ATG7: variants seen among roughly 807,000 people sequenced by gnomAD.
ATG7 encodes ubiquitin-like modifier-activating enzyme ATG7.
Under a neutral mutation model 82.4 loss-of-function variants are expected in ATG7, and 70 were observed. The ratio of observed to expected loss-of-function variants is 0.85; its 90% CI spans 0.70 to 1.04. ATG7 has a LOEUF of 1.04. Ranked by LOEUF, ATG7 falls within the 50% of genes least tolerant of loss-of-function variation. The pLI is 0.00. For missense variants in ATG7, 792 were observed against 864.3 expected, an observed-to-expected ratio of 0.92 and a Z score of 1.05; for synonymous variants, 287 against 313.0, an observed-to-expected ratio of 0.92 and a Z score of 0.88.
chr3:11,385,565 A>T (rs2152858837), intron 19 of ATG7, among the ~76,000 whole-genome samples: 1 of 152,298 alleles, frequency 6.6e-6, no homozygotes, highest in Non-Finnish European at 1.5e-5. Flanking sequence ...GGTGAGACAG[A>T]CTCATAAGCC....
At chr3:11,562,003 G>T (rs528158174), downstream of ATG7, among the ~76,000 whole-genome samples, 6 of 150,174 alleles carry the variant, frequency 4.0e-5, no homozygotes, top group African/African-American at 1.5e-4. Flanking sequence ...GGGTTCAAGC[G>T]ATTCTCCTGT....
chr3:11,540,473 T>TATGAAAA (rs1553711828), intron 20 of ATG7, among the ~76,000 whole-genome samples: 5 of 150,560 alleles, frequency 3.3e-5, no homozygotes, highest in Admixed American at 6.6e-5. Context: ...ACCCTATCTC[T>TATGAAAA]ATAAAAAATA....
chr3:11,318,135 C>G (rs1949703371), intron 9 of ATG7, among the ~76,000 whole-genome samples: 1 of 152,178 alleles, frequency 6.6e-6, no homozygotes, highest in Non-Finnish European at 1.5e-5. Context: ...CTCTGAAGTG[C>G]TCTGAGGGAT....
intron 20 of ATG7, among the ~76,000 whole-genome samples, chr3:11,445,928 G>T (rs1358499540): frequency 5.3e-5 from 8 of 152,090 alleles, no homozygotes; most frequent in African/African-American, 1.9e-4. Context: ...TACTTATTTG[G>T]ATTCTTCTTT....
chr3:11,273,278 T>C (rs1940924408), intron 1 of ATG7, among the ~76,000 whole-genome samples: 1 of 152,212 alleles, frequency 6.6e-6, no homozygotes, highest in South Asian at 2.1e-4. Context: ...ACTACTTAGA[T>C]TTTTTTCTCT....
chr3:11,299,140 A>G, intron 4 of ATG7: 1 of 601,788 alleles, frequency 1.7e-6, no homozygotes, highest in African/African-American at 1.8e-5. Context: ...TTTCCATTGA[A>G]TCTTTTTTAT....
At chr3:11,568,873 T>G in the ATG7 span, 1 of 1,356,138 alleles carries the variant, frequency 7.4e-7, no homozygotes, top group Non-Finnish European at 9.5e-7. The surrounding 1 kb of genome is among the most constrained non-coding windows in gnomAD (Gnocchi z 5.9). Flanking sequence ...CCGCTGAGGC[T>G]GCACGGCACC....
At chr3:11,443,543 T>C (rs1383437648) in intron 20 of ATG7, among the ~76,000 whole-genome samples, 1 of 152,124 alleles carries the variant, frequency 6.6e-6, no homozygotes, top group Non-Finnish European at 1.5e-5. Flanking sequence ...TGTGTCACTA[T>C]GTCTGGCTAA....
intron 20 of ATG7, among the ~76,000 whole-genome samples, chr3:11,472,045 A>G (rs2087600959): frequency 6.6e-6 from 1 of 151,928 alleles, no homozygotes; most frequent in African/African-American, 2.4e-5. Flanking sequence ...CCTTTTTCAG[A>G]TAATTTCTTC....
chr3:11,539,801 G>A (rs567555780), intron 20 of ATG7, among the ~76,000 whole-genome samples: 1 of 152,376 alleles, frequency 6.6e-6, no homozygotes, highest in East Asian at 1.9e-4. Context: ...GTACTCGCTT[G>A]TGGAACCAGC....
intron 20 of ATG7, among the ~76,000 whole-genome samples, chr3:11,472,536 A>G (rs2087666127): frequency 6.6e-6 from 1 of 152,220 alleles, no homozygotes. Context: ...TCTGAGAGCC[A>G]GGGAGAAATT....
chr3:11,492,939 G>A (rs913041781), intron 20 of ATG7, among the ~76,000 whole-genome samples: 2 of 152,228 alleles, frequency 1.3e-5, no homozygotes, highest in Non-Finnish European at 2.9e-5. Context: ...TAGCTCCGCC[G>A]TCCATGGACA....
chr3:11,506,549 C>T (rs1227668165), intron 20 of ATG7, among the ~76,000 whole-genome samples: 2 of 87,684 alleles, frequency 2.3e-5, no homozygotes, highest in Non-Finnish European at 4.1e-5. Context: ...GAAACCCCAT[C>T]TCTACAAAAA....
chr3:11,492,689 C>T (rs1240812761), intron 20 of ATG7, among the ~76,000 whole-genome samples: 2 of 152,318 alleles, frequency 1.3e-5, no homozygotes, highest in Non-Finnish European at 2.9e-5. Context: ...GGAGGGAATG[C>T]ATAGGTGAGC....
chr3:11,537,029 C>T (rs2070369668), intron 20 of ATG7, among the ~76,000 whole-genome samples: 1 of 152,098 alleles, frequency 6.6e-6, no homozygotes, highest in Non-Finnish European at 1.5e-5. Flanking sequence ...TAAACCCAGG[C>T]CCCTCTCCGC....
intron 8 of ATG7, among the ~76,000 whole-genome samples, chr3:11,314,827 T>G (rs1327342880): frequency 6.6e-6 from 1 of 152,062 alleles, no homozygotes; most frequent in Non-Finnish European, 1.5e-5. Context: ...TGGTCCCAGC[T>G]ACTCAGGAGG....
At chr3:11,450,775 A>G (rs1336070998) in intron 20 of ATG7, among the ~76,000 whole-genome samples, 1 of 152,198 alleles carries the variant, frequency 6.6e-6, no homozygotes, top group Non-Finnish European at 1.5e-5. Context: ...AGAGTGATAT[A>G]GGTTCTAGCT....
At chr3:11,439,266 G>A (rs1041136370) in intron 20 of ATG7, among the ~76,000 whole-genome samples, 1 of 151,458 alleles carries the variant, frequency 6.6e-6, no homozygotes, top group Non-Finnish European at 1.5e-5. Context: ...ATGGGGTTTC[G>A]CCATGTTGGC....
chr3:11,427,267 G>A (rs1345153061), intron 20 of ATG7, among the ~76,000 whole-genome samples: 1 of 152,112 alleles, frequency 6.6e-6, no homozygotes, highest in Non-Finnish European at 1.5e-5. Context: ...CAAAATGTAA[G>A]TTGGTAAAGA....
Sources: gnomAD v4.1 joint callset for allele counts (sites outside exome capture counted in the v4.1 genomes callset) on GRCh38, gnomAD v4.1.1 for gene constraint, Gnocchi (gnomAD v3.1) non-coding constraint, MANE v1.5 for transcripts, NCBI Gene and HGNC (gene_info 2026-07-23, HGNC 2026-07-21) for gene names.